NCOA2: variants seen among roughly 807,000 people sequenced by gnomAD.
NCOA2 encodes the protein class E basic helix-loop-helix protein 75.
In NCOA2, 21 loss-of-function variants were observed where a neutral mutation model predicts 145.1. That is an observed-to-expected ratio of 0.14 (90% CI 0.10 to 0.21). The LOEUF is 0.21. NCOA2 is among the 10% of genes least tolerant of loss of function. The pLI is 1.00. For missense variants in NCOA2, 1,472 were observed against 1,837.6 expected, an observed-to-expected ratio of 0.80 and a Z score of 3.64; for synonymous variants, 619 against 637.5, an observed-to-expected ratio of 0.97 and a Z score of 0.44.
chr8:70,189,120 C>T (rs1816390792), intron 4 of NCOA2, among the ~76,000 whole-genome samples: 1 of 152,072 alleles, frequency 6.6e-6, no homozygotes, highest in African/African-American at 2.4e-5. Context: ...CTTTTTCCTC[C>T]GGACACGCCC....
At chr8:70,231,615 G>C (rs765297968) in intron 2 of NCOA2, among the ~76,000 whole-genome samples, 1 of 152,218 alleles carries the variant, frequency 6.6e-6, no homozygotes, top group South Asian at 2.1e-4. Flanking sequence ...GTTAAGGCTG[G>C]TGGAATAACC....
upstream of NCOA2, among the ~76,000 whole-genome samples, chr8:70,406,616 A>T (rs1442713391): frequency 2.0e-5 from 3 of 152,242 alleles, no homozygotes; most frequent in Non-Finnish European, 4.4e-5. Flanking sequence ...AGGAAACACC[A>T]AAAATGTCAG....
intron 1 of NCOA2, among the ~76,000 whole-genome samples, chr8:70,361,522 A>C (rs1810199114): frequency 6.6e-6 from 1 of 152,276 alleles, no homozygotes; most frequent in East Asian, 1.9e-4. Context: ...AATAGAAAAA[A>C]ATAACATGTA....
chr8:70,211,756 T>C (rs1342128243), intron 4 of NCOA2, among the ~76,000 whole-genome samples: 1 of 152,162 alleles, frequency 6.6e-6, no homozygotes, highest in East Asian at 1.9e-4. Context: ...ATTCGGAAAA[T>C]ATCAGAGTAG....
At chr8:70,119,601 A>AT (rs1224750091) in intron 22 of NCOA2, among the ~76,000 whole-genome samples, 1 of 152,158 alleles carries the variant, frequency 6.6e-6, no homozygotes, top group Non-Finnish European at 1.5e-5. Context: ...GGATCAAATG[A>AT]TAATTCTGTT....
intron 1 of NCOA2, among the ~76,000 whole-genome samples, chr8:70,396,756 C>T (rs1056831442): frequency 1.4e-4 from 22 of 152,186 alleles, no homozygotes; most frequent in African/African-American, 4.3e-4. Context: ...CCTCCTGATA[C>T]AATTTGCAGG....
intron 1 of NCOA2, among the ~76,000 whole-genome samples, chr8:70,300,411 C>T (rs1827398286): frequency 6.6e-6 from 1 of 152,176 alleles, no homozygotes; most frequent in African/African-American, 2.4e-5. Flanking sequence ...GTGATAGCTA[C>T]AGTTTCCGCG....
intron 4 of NCOA2, among the ~76,000 whole-genome samples, chr8:70,207,526 G>T (rs1284256395): frequency 3.3e-5 from 5 of 152,168 alleles, no homozygotes; most frequent in African/African-American, 1.2e-4. Flanking sequence ...GTGCGAAAAT[G>T]AATTATATGT....
chr8:70,343,671 A>G (rs1808343170), intron 1 of NCOA2, among the ~76,000 whole-genome samples: 1 of 151,970 alleles, frequency 6.6e-6, no homozygotes, highest in East Asian at 1.9e-4. Context: ...AAAATTAGCC[A>G]GGCATGGTGG....
At chr8:70,163,407 C>T (rs892038293) in intron 8 of NCOA2, 58 bp downstream of exon 8, 1 of 1,290,428 alleles carries the variant, frequency 7.7e-7, no homozygotes, top group African/African-American at 1.5e-5. Flanking sequence ...CCTTGCATTC[C>T]CAAATATGTA....
At chr8:70,245,587 C>T (rs1380217717) in intron 2 of NCOA2, among the ~76,000 whole-genome samples, 1 of 151,982 alleles carries the variant, frequency 6.6e-6, no homozygotes, top group Non-Finnish European at 1.5e-5. Context: ...CTCACATACA[C>T]ATACACACGT....
At chr8:70,320,982 GACT>G (rs1433145543) in intron 1 of NCOA2, among the ~76,000 whole-genome samples, 3 of 152,126 alleles carry the variant, frequency 2.0e-5, no homozygotes, top group Non-Finnish European at 4.4e-5. Context: ...TTAAATGAAT[GACT>G]ACTATTTCGC....
At chr8:70,428,693 C>T in the NCOA2 span, among the ~76,000 whole-genome samples, 12 of 152,088 alleles carry the variant, frequency 7.9e-5, no homozygotes, top group African/African-American at 2.7e-4. Flanking sequence ...ATGTATCTTG[C>T]AATCTTTAAT....
chr8:70,334,417 A>AC (rs1239101096), intron 1 of NCOA2, among the ~76,000 whole-genome samples: 1 of 152,058 alleles, frequency 6.6e-6, no homozygotes, highest in Non-Finnish European at 1.5e-5. Flanking sequence ...CTACCTATTA[A>AC]CATCCTTCCT....
chr8:70,181,428 A>G (rs1815468852), intron 4 of NCOA2, among the ~76,000 whole-genome samples: 1 of 152,106 alleles, frequency 6.6e-6, no homozygotes, highest in Non-Finnish European at 1.5e-5. Flanking sequence ...AATGTCACTC[A>G]CTCTGTAATA....
At chr8:70,420,865 G>T in the NCOA2 span, among the ~76,000 whole-genome samples, 3 of 151,988 alleles carry the variant, frequency 2.0e-5, no homozygotes, top group African/African-American at 7.2e-5. Context: ...GGATGGTCTC[G>T]ATCTCTTGAC....
At chr8:70,113,828 A>G (rs1008749622) in intron 22 of NCOA2, among the ~76,000 whole-genome samples, 185 bp from the exon 23 acceptor site, 3 of 152,208 alleles carry the variant, frequency 2.0e-5, no homozygotes, top group Non-Finnish European at 2.9e-5. Flanking sequence ...CTCCCTCCAC[A>G]CAACGCTTCC....
chr8:70,333,747 T>C (rs558005648), intron 1 of NCOA2, among the ~76,000 whole-genome samples: 4 of 152,258 alleles, frequency 2.6e-5, no homozygotes, highest in South Asian at 4.1e-4. Flanking sequence ...CCCATCAGCT[T>C]GCTCTAACAA....
At chr8:70,121,743 T>C (rs924918943) in intron 21 of NCOA2, among the ~76,000 whole-genome samples, 2 of 152,248 alleles carry the variant, frequency 1.3e-5, no homozygotes, top group Non-Finnish European at 2.9e-5. Context: ...ATTTGGGACT[T>C]TGAAGTCATC....
Sources: allele counts gnomAD v4.1 joint callset (sites outside exome capture counted in the v4.1 genomes callset), GRCh38; gene constraint gnomAD v4.1.1; transcripts MANE v1.5; gene names NCBI Gene and HGNC (gene_info 2026-07-23, HGNC 2026-07-21).